UTRN: variants seen among roughly 807,000 people sequenced by gnomAD.
UTRN encodes utrophin.
In UTRN, 283 loss-of-function variants were observed where a neutral mutation model predicts 463.9. That is an observed-to-expected ratio of 0.61 (90% CI 0.55 to 0.67). The LOEUF (loss-of-function observed/expected upper bound fraction) is 0.67, where lower values mean the gene tolerates loss of function less well. Among genes scored for constraint, UTRN ranks in the 30% least tolerant of loss-of-function variants. The pLI is 0.00. For synonymous variants in UTRN, 1,442 were observed against 1,431.5 expected, an observed-to-expected ratio of 1.01 and a Z score of -0.17; for missense variants, 3,922 against 4,084.3, an observed-to-expected ratio of 0.96 and a Z score of 1.08.
At chr6:144,300,859 G>C (rs191355325) in intron 2 of UTRN, among the ~76,000 whole-genome samples, 3 of 152,232 alleles carry the variant, frequency 2.0e-5, no homozygotes, top group African/African-American at 4.8e-5. Flanking sequence ...AAAATACCCC[G>C]AAGCAAATAG....
At chr6:144,622,105 T>C (rs1775444906) in intron 51 of UTRN, among the ~76,000 whole-genome samples, 2 of 151,940 alleles carry the variant, frequency 1.3e-5, no homozygotes, top group South Asian at 4.1e-4. Flanking sequence ...TTTATACATA[T>C]GTGTAATATT....
chr6:144,327,709 C>T (rs1353890585), intron 2 of UTRN, among the ~76,000 whole-genome samples: 1 of 151,990 alleles, frequency 6.6e-6, no homozygotes, highest in Admixed American at 6.5e-5. Flanking sequence ...TTTGGGAGGC[C>T]GAGTGGGTGG....
chr6:144,826,823 TGAG>T (rs1562957668), intron 66 of UTRN, among the ~76,000 whole-genome samples: 2 of 152,182 alleles, frequency 1.3e-5, no homozygotes, highest in Non-Finnish European at 2.9e-5. Context: ...TGTGTGAGGT[TGAG>T]GTATTTTGGG....
intron 2 of UTRN, among the ~76,000 whole-genome samples, chr6:144,390,777 G>A (rs1781836708): frequency 6.6e-6 from 1 of 152,024 alleles, no homozygotes; most frequent in Non-Finnish European, 1.5e-5. Flanking sequence ...AGACATATTT[G>A]TCTATGAATT....
chr6:144,553,554 A>G (rs996042490), intron 48 of UTRN, among the ~76,000 whole-genome samples: 1 of 152,170 alleles, frequency 6.6e-6, no homozygotes, highest in African/African-American at 2.4e-5. Context: ...TCTTGCGGAT[A>G]TTCTAAGTTA....
At chr6:144,800,841 A>G (rs1221703320) in intron 64 of UTRN, among the ~76,000 whole-genome samples, 2 of 152,284 alleles carry the variant, frequency 1.3e-5, no homozygotes, top group East Asian at 3.9e-4. Flanking sequence ...GATGTTGCTC[A>G]GTAAAAGGCA....
chr6:144,298,042 T>C (rs2473137), intron 2 of UTRN, among the ~76,000 whole-genome samples: 18,804 of 152,204 alleles, frequency 0.12, 1,419 homozygotes, highest in African/African-American at 0.22. Context: ...CTGTAAATAT[T>C]AGTTAAAATT....
At chr6:144,451,005 C>T (rs879696418) in intron 17 of UTRN, among the ~76,000 whole-genome samples, 6 of 152,034 alleles carry the variant, frequency 3.9e-5, no homozygotes, top group Middle Eastern at 3.4e-3. Flanking sequence ...CCTAGCTACT[C>T]GGGAGGCTGA....
At chr6:144,641,774 G>A (rs991212149) in intron 51 of UTRN, among the ~76,000 whole-genome samples, 1 of 151,886 alleles carries the variant, frequency 6.6e-6, no homozygotes, top group East Asian at 1.9e-4. Context: ...CAATTGAGTA[G>A]AACTCGTTAT....
intron 26 of UTRN, among the ~76,000 whole-genome samples, chr6:144,481,619 A>T (rs1272805737): frequency 6.6e-6 from 1 of 152,232 alleles, no homozygotes; most frequent in Non-Finnish European, 1.5e-5. Flanking sequence ...CTGATCTTGG[A>T]CCCAGACTTT....
intron 10 of UTRN, 35 bp downstream of exon 10, chr6:144,436,173 C>T (rs1786516254): frequency 2.5e-6 from 4 of 1,588,046 alleles, no homozygotes; most frequent in Non-Finnish European, 3.4e-6. Flanking sequence ...GGGTGTGTCC[C>T]CCACGGGACC....
intron 54 of UTRN, among the ~76,000 whole-genome samples, chr6:144,741,040 T>C (rs1462981421): frequency 1.3e-5 from 2 of 152,228 alleles, no homozygotes; most frequent in Admixed American, 1.3e-4. Context: ...TTGAGCGTGG[T>C]ATAATGTACT....
intron 50 of UTRN, among the ~76,000 whole-genome samples, chr6:144,567,657 A>C (rs1800526227): frequency 1.3e-5 from 2 of 152,152 alleles, no homozygotes; most frequent in Non-Finnish European, 2.9e-5. Context: ...GCTCACTGAA[A>C]AGTTTAAGGT....
intron 48 of UTRN, 89 bp from the exon 49 acceptor site, chr6:144,554,599 A>T (rs1562566298): frequency 5.0e-6 from 7 of 1,398,840 alleles, no homozygotes; most frequent in Non-Finnish European, 6.8e-6. Context: ...TTATAGACTT[A>T]TTTGTGATAC....
At chr6:144,410,106 A>G (rs1405427592) in intron 3 of UTRN, among the ~76,000 whole-genome samples, 1 of 152,156 alleles carries the variant, frequency 6.6e-6, no homozygotes, top group Non-Finnish European at 1.5e-5. Context: ...TCCTGACCAA[A>G]AAAATTGGGT....
chr6:144,832,483 A>C (rs1036285498), intron 69 of UTRN, among the ~76,000 whole-genome samples: 1 of 152,214 alleles, frequency 6.6e-6, no homozygotes, highest in African/African-American at 2.4e-5. Context: ...GGCTGGTTTC[A>C]CTATGGATAG....
intron 50 of UTRN, among the ~76,000 whole-genome samples, chr6:144,571,149 CATA>C (rs1175987686): frequency 6.6e-6 from 1 of 152,038 alleles, no homozygotes; most frequent in African/African-American, 2.4e-5. Flanking sequence ...GGATTGATTG[CATA>C]TGTGCACTCC....
At chr6:144,513,295 G>A (rs534709458) in intron 35 of UTRN, among the ~76,000 whole-genome samples, 2 of 152,340 alleles carry the variant, frequency 1.3e-5, no homozygotes, top group East Asian at 1.9e-4. Context: ...GCGCACACCT[G>A]TAATCCCAGC....
At chr6:144,838,853 G>A (rs1422764510) in intron 71 of UTRN, among the ~76,000 whole-genome samples, 2 of 152,170 alleles carry the variant, frequency 1.3e-5, no homozygotes, top group Non-Finnish European at 2.9e-5. Flanking sequence ...TAGAAACCCA[G>A]TGCTGATGTT....
Sources: allele counts gnomAD v4.1 joint callset (sites outside exome capture counted in the v4.1 genomes callset), GRCh38; gene constraint gnomAD v4.1.1; transcripts MANE v1.5; gene names NCBI Gene and HGNC (gene_info 2026-07-23, HGNC 2026-07-21).